IGDCC3: variants seen among roughly 807,000 people sequenced by gnomAD.
The protein encoded by IGDCC3 is putative neuronal cell adhesion molecule.
A neutral mutation model predicts 72.0 loss-of-function variants in IGDCC3; 47 were observed. That is an observed-to-expected ratio of 0.65 (90% confidence interval 0.52 to 0.83). The LOEUF (loss-of-function observed/expected upper bound fraction) is 0.83. IGDCC3 is among the 40% of genes least tolerant of loss of function. The probability of loss-of-function intolerance (pLI) is 0.00; values close to 1 mark genes in which losing one functional copy is unlikely to be tolerated. For synonymous variants in IGDCC3, 477 were observed against 472.8 expected, an observed-to-expected ratio of 1.01 and a Z score of -0.11; for missense variants, 1,038 against 1,091.3, an observed-to-expected ratio of 0.95 and a Z score of 0.69.
chr15:65,375,783 G>A (rs1190769796), intron 1 of IGDCC3, among the ~76,000 whole-genome samples: 3 of 152,138 alleles, frequency 2.0e-5, no homozygotes, highest in Non-Finnish European at 2.9e-5. Flanking sequence ...GGTCACCCTG[G>A]ATAAGCACTG....
rs565205814 is a variant in IGDCC3 at position 65,360,603 on chromosome 15, G to A, written c.409+14494C>T. Among the ~76,000 whole-genome samples the A allele has an allele frequency of 4.6e-5, 7 of 152,302 alleles. No homozygotes were observed. The South Asian group carries it at 1.2e-3, about 27-fold the overall frequency. The stretch of plus-strand genomic sequence containing the variant: ...AAAACAAAAATAACCCAAGTTGGGG[G>A]AGGGAAAAAGAAACCAAATCTGAAG... On this transcript the variant is annotated intron_variant, in intron 2 of 13. Coordinates refer to ENST00000327987, the MANE Select transcript of IGDCC3 (RefSeq NM_004884.4).
chr15:65,353,047 AC>A (rs2140157239), intron 2 of IGDCC3, among the ~76,000 whole-genome samples: 1 of 152,254 alleles, frequency 6.6e-6, no homozygotes, highest in South Asian at 2.1e-4. Context: ...TCAGCTAACA[AC>A]CCCATATCAG....
intron 2 of IGDCC3, chr15:65,373,387 G>C (rs2091339091): frequency 6.6e-6 from 1 of 151,724 alleles, no homozygotes; most frequent in South Asian, 2.1e-4. Context: ...GATGAGGGTG[G>C]CTGAGCCAGA....
Position 65,335,934 on chromosome 15 carries a change from A to G in IGDCC3, c.432T>C (p.His144=). The change falls in exon 3 of 14, where the codon CAT becomes CAC. Residue 144 remains histidine, a synonymous_variant. Coordinates refer to ENST00000327987, the MANE Select transcript of IGDCC3 (RefSeq NM_004884.4). The part of the protein sequence containing the change: ...QAATMSDFHV[H]PQATVGEEGG... ...CCTCCTCACCCACGGTGGCCTGGGG[A>G]TGCACGTGGAAGTCCGACATGGCTG... The G allele has an allele frequency of 6.2e-7, 1 of 1,614,162 alleles. No individual in the cohort carries two copies.
intron 2 of IGDCC3, among the ~76,000 whole-genome samples, chr15:65,351,529 G>A (rs1326429356): frequency 2.5e-4 from 31 of 122,146 alleles, no homozygotes; most frequent in South Asian, 1.5e-3. Context: ...GTGAGACTCC[G>A]TCTCAAAAAA....
chr15:65,362,370 A>AG (rs1285553085), intron 2 of IGDCC3, among the ~76,000 whole-genome samples: 6 of 152,242 alleles, frequency 3.9e-5, no homozygotes, highest in Admixed American at 3.9e-4. Flanking sequence ...GGAGCCAGGG[A>AG]GGGTGCACAG....
intron 2 of IGDCC3, among the ~76,000 whole-genome samples, chr15:65,371,248 C>T (rs2140172516): frequency 6.6e-6 from 1 of 152,364 alleles, no homozygotes; most frequent in African/African-American, 2.4e-5. Flanking sequence ...AGACCCATCA[C>T]CTCATTTACT....
intron 2 of IGDCC3, among the ~76,000 whole-genome samples, chr15:65,353,259 G>A (rs572818862): frequency 1.7e-3 from 161 of 96,474 alleles, no homozygotes; most frequent in African/African-American, 6.2e-3. Context: ...CCTTCCTTCC[G>A]TTGTTTTTTT....
At chr15:65,351,910 C>G (rs1002691054) in intron 2 of IGDCC3, among the ~76,000 whole-genome samples, 1 of 152,166 alleles carries the variant, frequency 6.6e-6, no homozygotes, top group African/African-American at 2.4e-5. Flanking sequence ...AACTTTTTAT[C>G]ATCCAGACAA....
chr15:65,351,491 A>G (rs1177658424), intron 2 of IGDCC3, among the ~76,000 whole-genome samples: 3,193 of 149,914 alleles, frequency 0.021, 114 homozygotes, highest in African/African-American at 0.075. Flanking sequence ...CCGAGATTGC[A>G]CCACTGCATT....
At chr15:65,357,643 TAGTGAC>T (rs1174361655) in intron 2 of IGDCC3, among the ~76,000 whole-genome samples, 1 of 152,236 alleles carries the variant, frequency 6.6e-6, no homozygotes, top group Non-Finnish European at 1.5e-5. Flanking sequence ...CAAGCACTAG[TAGTGAC>T]AGTGATACAT....
At chr15:65,376,932 C>G (rs1383440324) in intron 1 of IGDCC3, among the ~76,000 whole-genome samples, 1 of 152,110 alleles carries the variant, frequency 6.6e-6, no homozygotes, top group Non-Finnish European at 1.5e-5. Context: ...GTGGTGGTGA[C>G]CGAGCTCCAG....
intron 2 of IGDCC3, among the ~76,000 whole-genome samples, chr15:65,370,909 G>A (rs990698988): frequency 1.3e-5 from 2 of 152,130 alleles, no homozygotes; most frequent in African/African-American, 4.8e-5. Context: ...ACAGGCATGA[G>A]CCATCACATT....
intron 1 of IGDCC3, 43 bp from the exon 2 acceptor site, chr15:65,375,445 T>A: frequency 1.0e-5 from 15 of 1,495,404 alleles, no homozygotes; most frequent in Non-Finnish European, 1.4e-5. Flanking sequence ...GGGGTGTTAG[T>A]ATGAAATGAA....
intron 2 of IGDCC3, among the ~76,000 whole-genome samples, chr15:65,358,599 C>T (rs1294576808): frequency 6.6e-6 from 1 of 152,106 alleles, no homozygotes; most frequent in Non-Finnish European, 1.5e-5. Flanking sequence ...ATGGCACATT[C>T]AAAAAGCAAG....
At chr15:65,371,159 C>A (rs769702774) in intron 2 of IGDCC3, among the ~76,000 whole-genome samples, 1 of 152,248 alleles carries the variant, frequency 6.6e-6, no homozygotes, top group Non-Finnish European at 1.5e-5. Flanking sequence ...GGGACCTCAT[C>A]CTAAATTAGT....
intron 2 of IGDCC3, among the ~76,000 whole-genome samples, chr15:65,336,805 T>A (rs1031188957): frequency 6.6e-6 from 1 of 151,868 alleles, no homozygotes; most frequent in Non-Finnish European, 1.5e-5. Context: ...CCACCCCCGT[T>A]TCCACCCATG....
intron 2 of IGDCC3, among the ~76,000 whole-genome samples, chr15:65,355,313 G>T (rs1011739820): frequency 6.6e-6 from 1 of 152,182 alleles, no homozygotes; most frequent in Non-Finnish European, 1.5e-5. Context: ...TCAGCGCTTT[G>T]TGTCAGACTC....
chr15:65,351,442 G>A, intron 2 of IGDCC3, among the ~76,000 whole-genome samples: 1 of 151,490 alleles, frequency 6.6e-6, no homozygotes, highest in East Asian at 1.9e-4. Context: ...GCTGAGGCAG[G>A]AGAATGGTGT....
Sources: allele counts gnomAD v4.1 joint callset (sites outside exome capture counted in the v4.1 genomes callset), GRCh38; gene constraint gnomAD v4.1.1; transcripts MANE v1.5; gene names NCBI Gene and HGNC (gene_info 2026-07-23, HGNC 2026-07-21).